The following RGS7 variants were observed in gnomAD, a reference collection of about 807,000 sequenced individuals.
RGS7 encodes the protein regulator of G-protein signaling 7.
In RGS7, 27 loss-of-function variants were observed where a neutral mutation model predicts 81.1. The observed-to-expected ratio is 0.33, with a 90% confidence interval of 0.25 to 0.46. RGS7 has a LOEUF of 0.46. Ranked by LOEUF, RGS7 falls within the 20% of genes least tolerant of loss-of-function variation. The probability of loss-of-function intolerance (pLI) is 1.00; values close to 1 mark genes in which losing one functional copy is unlikely to be tolerated. For missense variants in RGS7, 396 were observed against 607.4 expected (o/e 0.65, Z 3.66); for synonymous variants, 208 against 207.7 (o/e 1.00, Z -0.01).
chr1:241,177,993 G>C (rs1413405627), intron 2 of RGS7, among the ~76,000 whole-genome samples: 1 of 152,150 alleles, frequency 6.6e-6, no homozygotes, highest in Admixed American at 6.5e-5. Context: ...CATAAGTCAG[G>C]AGTCTAGGAC....
intron 3 of RGS7, among the ~76,000 whole-genome samples, chr1:241,018,794 C>T (rs781352051): frequency 6.6e-5 from 10 of 152,088 alleles, no homozygotes; most frequent in Admixed American, 3.9e-4. Context: ...TTCCATTCAT[C>T]GCTTCAGTGT....
intron 3 of RGS7, among the ~76,000 whole-genome samples, chr1:241,046,191 A>C (rs1269454808): frequency 1.3e-5 from 2 of 152,116 alleles, no homozygotes; most frequent in African/African-American, 4.8e-5. Flanking sequence ...TCAGTAGTAC[A>C]TGTGCAGGTT....
rs1448610405 is a variant in RGS7 at position 240,969,839 on chromosome 1, G to A, written c.226+13240C>T. Among the ~76,000 whole-genome samples the A allele has an allele frequency of 2.0e-5, 3 of 152,218 alleles. No individual in the cohort carries two copies. In the East Asian group the frequency reaches 5.8e-4, roughly 29 times the overall value. The stretch of plus-strand genomic sequence containing the variant: ...GCTGGGAGTCTCAGGGGCTTCATCT[G>A]TGAAGTGAAGGTGACATCCCTCGCC... On this transcript the variant is annotated intron_variant, in intron 4 of 18. Coordinates refer to ENST00000440928, the MANE Select transcript of RGS7 (RefSeq NM_001364886.1).
At chr1:241,146,399 G>A (rs950407392) in intron 2 of RGS7, among the ~76,000 whole-genome samples, 4 of 152,172 alleles carry the variant, frequency 2.6e-5, no homozygotes, top group African/African-American at 9.6e-5. Flanking sequence ...AGCATCTCCA[G>A]ATTTTGGTAT....
chr1:241,029,095 G>C (rs76574397), intron 3 of RGS7, among the ~76,000 whole-genome samples: 5 of 151,982 alleles, frequency 3.3e-5, no homozygotes, highest in East Asian at 1.9e-4. Flanking sequence ...AGGCTGGCTC[G>C]GTAGGGTTGT....
chr1:241,092,943 A>T (rs192299641), intron 3 of RGS7, among the ~76,000 whole-genome samples: 4 of 152,334 alleles, frequency 2.6e-5, no homozygotes, highest in African/African-American at 9.6e-5. Flanking sequence ...TGGAACATTA[A>T]ATTTAGCAGT....
chr1:240,942,741 G>A (rs1677815649), intron 4 of RGS7, among the ~76,000 whole-genome samples: 1 of 152,150 alleles, frequency 6.6e-6, no homozygotes, highest in Admixed American at 6.5e-5. Context: ...ATAAAAAGAA[G>A]ATATGTTAGA....
Position 240,897,664 on chromosome 1 carries a change from T to A in RGS7, c.386-27545A>T, listed in dbSNP as rs1417866226. Among the ~76,000 whole-genome samples, 5 of 152,350 alleles carry A rather than the reference T, an allele frequency of 3.3e-5. No individual in the cohort carries two copies. In the South Asian group the frequency reaches 1.0e-3, roughly 32 times the overall value. ...ACCATGGTGGATAAGCTTTTTGATG[T>A]GCTGCTGGATTCGGTTTGCCCGTAT... On this transcript the variant is annotated intron_variant, in intron 6 of 18. Transcript: ENST00000440928.
chr1:241,323,618 C>G (rs1024311529), intron 2 of RGS7, among the ~76,000 whole-genome samples: 1 of 152,144 alleles, frequency 6.6e-6, no homozygotes, highest in Non-Finnish European at 1.5e-5. Context: ...GTCCAAGAGA[C>G]AAAGTAGAGG....
chr1:241,113,036 A>G (rs1481431920), intron 2 of RGS7, among the ~76,000 whole-genome samples: 2 of 152,276 alleles, frequency 1.3e-5, no homozygotes, highest in African/African-American at 4.8e-5. Flanking sequence ...CTCAAGAGAG[A>G]AATTAGGATG....
chr1:241,019,003 C>T (rs1351152579), intron 3 of RGS7, among the ~76,000 whole-genome samples: 1 of 152,132 alleles, frequency 6.6e-6, no homozygotes, highest in African/African-American at 2.4e-5. Context: ...TCTTTCCTTT[C>T]CCCTGCGAAG....
chr1:241,136,390 G>A (rs2067518291), intron 2 of RGS7, among the ~76,000 whole-genome samples: 1 of 152,160 alleles, frequency 6.6e-6, no homozygotes, highest in Admixed American at 6.5e-5. Flanking sequence ...AGGAATCACA[G>A]TGGAGACTTT....
At chr1:241,340,072 A>G (rs1165967178) in intron 2 of RGS7, among the ~76,000 whole-genome samples, 1 of 152,202 alleles carries the variant, frequency 6.6e-6, no homozygotes, top group Non-Finnish European at 1.5e-5. Context: ...TAATGAGGAG[A>G]GTTAGAACCT....
chr1:240,971,124 G>A (rs1572055576), intron 4 of RGS7, among the ~76,000 whole-genome samples: 1 of 152,132 alleles, frequency 6.6e-6, no homozygotes, highest in East Asian at 1.9e-4. Context: ...CCTTATGAAT[G>A]GAATTAGTGC....
chr1:240,842,714 G>C (rs1390918193), intron 9 of RGS7, among the ~76,000 whole-genome samples: 1 of 152,114 alleles, frequency 6.6e-6, no homozygotes, highest in Non-Finnish European at 1.5e-5. Flanking sequence ...TATCAAGCCA[G>C]ACCAATACGT....
At chr1:241,028,644 G>A (rs1029806514) in intron 3 of RGS7, among the ~76,000 whole-genome samples, 14 of 152,182 alleles carry the variant, frequency 9.2e-5, no homozygotes, top group Admixed American at 9.2e-4. Context: ...GCAAGATGCA[G>A]GCAGAGCAAT....
intron 3 of RGS7, among the ~76,000 whole-genome samples, chr1:240,987,493 C>T (rs1176737004): frequency 6.6e-6 from 1 of 151,750 alleles, no homozygotes; most frequent in African/African-American, 2.4e-5. Context: ...CATAAATAAT[C>T]CTTAATCCAT....
At chr1:241,108,121 T>C (rs986813294) in intron 2 of RGS7, among the ~76,000 whole-genome samples, 3 of 151,444 alleles carry the variant, frequency 2.0e-5, no homozygotes, top group Non-Finnish European at 4.4e-5. Context: ...TTGGCCAACA[T>C]GGTGAAAGCC....
chr1:241,120,346 A>G (rs2066164436), intron 2 of RGS7, among the ~76,000 whole-genome samples: 1 of 151,820 alleles, frequency 6.6e-6, no homozygotes, highest in South Asian at 2.1e-4. Flanking sequence ...TGTATTTGTA[A>G]TTTTTTTTGT....
Sources: allele counts gnomAD v4.1 joint callset (sites outside exome capture counted in the v4.1 genomes callset), GRCh38; gene constraint gnomAD v4.1.1; transcripts MANE v1.5; gene names NCBI Gene and HGNC (gene_info 2026-07-23, HGNC 2026-07-21).